PTPRD: variants seen among roughly 807,000 people sequenced by gnomAD.
PTPRD encodes receptor-type tyrosine-protein phosphatase delta.
In PTPRD, 34 loss-of-function variants were observed where a neutral mutation model predicts 214.5. The observed-to-expected ratio is 0.16, with a 90% confidence interval of 0.12 to 0.21. The LOEUF (loss-of-function observed/expected upper bound fraction) is 0.21, where lower values mean the gene tolerates loss of function less well. PTPRD is among the 10% of genes least tolerant of loss of function. The pLI is 1.00. For synonymous variants in PTPRD, 1,128 were observed against 845.7 expected, an observed-to-expected ratio of 1.33 and a Z score of -5.79; for missense variants, 2,545 against 2,398.7, an observed-to-expected ratio of 1.06 and a Z score of -1.27.
At chr9:9,344,695 G>C (rs1346822183) in intron 9 of PTPRD, among the ~76,000 whole-genome samples, 1 of 151,930 alleles carries the variant, frequency 6.6e-6, no homozygotes, top group Non-Finnish European at 1.5e-5. Context: ...AAAACTTTAA[G>C]TTAAAACATT....
chr9:8,909,215 C>A (rs1030122936), intron 11 of PTPRD, among the ~76,000 whole-genome samples: 1 of 151,958 alleles, frequency 6.6e-6, no homozygotes, highest in East Asian at 1.9e-4. Flanking sequence ...TTTACATAAA[C>A]TCCTTCAGAA....
At chr9:8,321,481 G>GTATA (rs1421258540) in intron 44 of PTPRD, among the ~76,000 whole-genome samples, 21 of 49,158 alleles carry the variant, frequency 4.3e-4, no homozygotes, top group East Asian at 5.0e-4. Flanking sequence ...GTGTGTGTGT[G>GTATA]TGTGTGTATA....
At chr9:9,224,899 C>G (rs1376417324) in intron 9 of PTPRD, among the ~76,000 whole-genome samples, 1 of 151,954 alleles carries the variant, frequency 6.6e-6, no homozygotes, top group Non-Finnish European at 1.5e-5. Context: ...TACATGTTGT[C>G]TATGAACTGA....
intron 8 of PTPRD, among the ~76,000 whole-genome samples, chr9:9,454,031 T>C (rs769182706): frequency 6.6e-6 from 1 of 151,836 alleles, no homozygotes; most frequent in Non-Finnish European, 1.5e-5. Flanking sequence ...TCCCTTTTTA[T>C]ATTTTCCTTA....
chr9:9,826,827 A>G (rs745453989), intron 5 of PTPRD, among the ~76,000 whole-genome samples: 1 of 152,154 alleles, frequency 6.6e-6, no homozygotes, highest in Non-Finnish European at 1.5e-5. Context: ...TACAAAATCA[A>G]TGTGCAAAAA....
Position 10,361,234 on chromosome 9 carries a change from T to C in PTPRD, c.-599-20217A>G, listed in dbSNP as rs2097382883. Among the ~76,000 whole-genome samples the C allele has an allele frequency of 2.0e-5, 3 of 152,234 alleles. No homozygotes were observed. In the South Asian group the frequency reaches 6.2e-4, roughly 31 times the overall value. ...TATGGCTTAACAGAAGACAGGTAGA[T>C]TCTTCCATCTGCTTTCAATCTGTTG... On this transcript the variant is annotated intron_variant, in intron 2 of 45. Coordinates refer to ENST00000381196, the MANE Select transcript of PTPRD (RefSeq NM_002839.4).
chr9:10,172,133 G>T (rs540220235), intron 3 of PTPRD, among the ~76,000 whole-genome samples: 42 of 152,198 alleles, frequency 2.8e-4, no homozygotes, highest in Middle Eastern at 3.4e-3. Context: ...AAAATCTAAA[G>T]ACGACCAACT....
intron 10 of PTPRD, among the ~76,000 whole-genome samples, chr9:9,051,801 TA>T (rs1394272191): frequency 2.6e-5 from 4 of 152,192 alleles, no homozygotes; most frequent in Non-Finnish European, 5.9e-5. Flanking sequence ...AAGGTGCTTA[TA>T]CCAAATTCAT....
At chr9:10,602,276 AAC>A (rs2078176412) in intron 2 of PTPRD, among the ~76,000 whole-genome samples, 1 of 151,974 alleles carries the variant, frequency 6.6e-6, no homozygotes, top group Non-Finnish European at 1.5e-5. Flanking sequence ...AAATTCACAT[AAC>A]ATTTCTGATA....
chr9:10,446,527 C>G (rs2098801032), intron 2 of PTPRD, among the ~76,000 whole-genome samples: 1 of 136,984 alleles, frequency 7.3e-6, no homozygotes, highest in Non-Finnish European at 1.5e-5. Context: ...CCAAGAAAAT[C>G]AAATAGTATA....
At chr9:8,794,365 G>T (rs760175627) in intron 11 of PTPRD, among the ~76,000 whole-genome samples, 20 of 152,090 alleles carry the variant, frequency 1.3e-4, no homozygotes, top group Non-Finnish European at 2.8e-4. Flanking sequence ...ACTGCTGCCC[G>T]TTAGGTTACA....
chr9:10,566,467 T>C (rs576814944), intron 2 of PTPRD, among the ~76,000 whole-genome samples: 264 of 152,180 alleles, frequency 1.7e-3, no homozygotes, highest in Non-Finnish European at 3.1e-3. Context: ...TGGAATGTAA[T>C]TTTTAAAACT....
chr9:9,487,272 C>T (rs958839037), intron 8 of PTPRD, among the ~76,000 whole-genome samples: 3 of 151,158 alleles, frequency 2.0e-5, no homozygotes, highest in African/African-American at 7.3e-5. Context: ...CAAGTGTTCT[C>T]ATTGTTCAAT....
chr9:8,376,196 C>G, intron 38 of PTPRD, 106 bp from the exon 39 acceptor site: 1 of 1,301,540 alleles, frequency 7.7e-7, no homozygotes, highest in Middle Eastern at 1.9e-4. Context: ...TAATTCCTTT[C>G]TACCACCCTG....
chr9:9,720,152 C>T (rs1595982862), intron 7 of PTPRD, among the ~76,000 whole-genome samples: 1 of 152,192 alleles, frequency 6.6e-6, no homozygotes, highest in African/African-American at 2.4e-5. Flanking sequence ...GGCAAAGTGA[C>T]ATCCTGCATC....
intron 18 of PTPRD, among the ~76,000 whole-genome samples, 186 bp from the exon 19 acceptor site, chr9:8,523,710 G>C (rs1444440007): frequency 1.3e-5 from 2 of 152,090 alleles, no homozygotes; most frequent in Non-Finnish European, 2.9e-5. Context: ...AGACTAACAT[G>C]GTATTAGAAA....
At chr9:8,371,729 A>T (rs7854683) in intron 39 of PTPRD, among the ~76,000 whole-genome samples, 10,214 of 152,052 alleles carry the variant, frequency 0.067, 1,164 homozygotes, top group African/African-American at 0.23. Context: ...CCAGTTTGCA[A>T]CCTCTGCAAT....
intron 6 of PTPRD, among the ~76,000 whole-genome samples, chr9:9,750,705 C>T (rs571214488): frequency 2.6e-5 from 4 of 152,196 alleles, no homozygotes; most frequent in South Asian, 4.1e-4. Flanking sequence ...ATAAGTGAAA[C>T]ATTTTCAATC....
At position 9,795,933 on chromosome 9, in the gene PTPRD, C is replaced by G. The variant is rs57441547; in HGVS notation, c.-367-29082G>C. 6.6e-3 allele frequency among the ~76,000 whole-genome samples: 1,005 copies of G among 152,166 alleles called. 9 individuals are homozygous for G. Among genetic ancestry groups the G allele is most frequent in the African/African-American group, 0.023 (956 of 41,534 alleles). On this transcript the variant is annotated intron_variant, in intron 5 of 45. Transcript: ENST00000381196. Reference sequence around the variant, plus strand: ...TCTAGTCTCTCTACAGAAACTATCACAGGATTGTTTCTATGTGAAGAATAT... The same window carrying G: ...TCTAGTCTCTCTACAGAAACTATCAGAGGATTGTTTCTATGTGAAGAATAT...
Sources: allele counts gnomAD v4.1 joint callset (sites outside exome capture counted in the v4.1 genomes callset), GRCh38; gene constraint gnomAD v4.1.1; transcripts MANE v1.5; gene names NCBI Gene and HGNC (gene_info 2026-07-23, HGNC 2026-07-21).